Variants in NOL9 observed in about 807,000 individuals in gnomAD.
NOL9 encodes the protein nucleolar protein 9.
In NOL9, 28 loss-of-function variants were observed where a neutral mutation model predicts 67.9. That is an observed-to-expected ratio of 0.41 (90% CI 0.31 to 0.57). The LOEUF is 0.57. NOL9 is among the 20% of genes least tolerant of loss of function. The pLI, the probability that NOL9 is intolerant of heterozygous loss-of-function variation, is 0.25. For missense variants in NOL9, 777 were observed against 897.0 expected (o/e 0.87, Z 1.71); for synonymous variants, 356 against 352.2 (o/e 1.01, Z -0.12).
At chr1:6,538,394 C>G (rs531528451) in intron 6 of NOL9, among the ~76,000 whole-genome samples, 1 of 152,060 alleles carries the variant, frequency 6.6e-6, no homozygotes, top group African/African-American at 2.4e-5. Context: ...AGGCTGGGAC[C>G]GGATGCCGTG....
chr1:6,541,722 G>A (rs1217660261), intron 6 of NOL9, 108 bp downstream of exon 6: 10 of 525,232 alleles, frequency 1.9e-5, no homozygotes, highest in Admixed American at 3.9e-5. Context: ...TTTGGTAGGC[G>A]CATGTTCCCT....
chr1:6,550,430 T>A lies in NOL9; in HGVS notation c.582A>T (p.Glu194Asp). Residue 194 changes from glutamate (E) to aspartate (D), a missense_variant, in exon 2 of 12, where the codon GAA becomes GAT. By Grantham distance (45) the Glu-to-Asp change is conservative (BLOSUM62 2). Coordinates refer to ENST00000377705, the MANE Select transcript of NOL9 (RefSeq NM_024654.5). The stretch of plus-strand genomic sequence containing the variant: ...GATGAGATTTGAGCAAATTCCGGGC[T>A]TCCCTTTTCAGTTCCTTCTTGCTTT... ...PEKSKKELKR[E>D]ARNLLKSHLN... is the part of the protein sequence containing the mutation. 1 of 1,614,164 alleles carries A rather than the reference T, an allele frequency of 6.2e-7. No homozygotes were observed. Among genetic ancestry groups the A allele is most frequent in the Non-Finnish European group, 8.5e-7 (1 of 1,180,020 alleles).
In NOL9 at chr1:6,549,484, C is replaced by T. The variant is rs1338443819; in HGVS notation, c.744+87G>A. On this transcript the variant is annotated intron_variant, in intron 3 of 11. Transcript: ENST00000377705. ...GAGAGCACTAGATAGACCAACTGTT[C>T]TTCCAAGACAACATCCTACATAGTC... The T allele has an allele frequency of 2.0e-6, 3 of 1,482,000 alleles. No individual in the cohort carries two copies. The African/African-American group carries it at 4.3e-5, about 21-fold the overall frequency. 91.8% of individuals were successfully genotyped at this position (1,482,000 alleles called of 1,614,324 possible).
chr1:6,544,512 A>AACAC (rs568631480), intron 5 of NOL9, among the ~76,000 whole-genome samples: 2 of 104,948 alleles, frequency 1.9e-5, no homozygotes, highest in African/African-American at 5.8e-5. Flanking sequence ...CCTGTCTGAA[A>AACAC]ACACACACAC....
chr1:6,546,972 C>A (rs1227198236), intron 3 of NOL9, among the ~76,000 whole-genome samples: 2 of 152,188 alleles, frequency 1.3e-5, no homozygotes, highest in Admixed American at 1.3e-4. Flanking sequence ...CACCTGACCA[C>A]CAGCAGCTTT....
chr1:6,544,545 C>CACGCA (rs1553183969), intron 5 of NOL9, among the ~76,000 whole-genome samples: 1 of 23,498 alleles, frequency 4.3e-5, no homozygotes, highest in Non-Finnish European at 3.6e-4. Context: ...ACACACGCAC[C>CACGCA]CCCCCCCCGC....
chr1:6,523,600 A>C lies in NOL9; in HGVS notation c.*2254T>G, dbSNP rs1315877759. ...ATCTCAAAAAAAAAAAAAAAAAAAAAAAAGGATAAAAAGGCCACTGCCATC... is the reference window on the plus strand; with the variant it reads ...ATCTCAAAAAAAAAAAAAAAAAAAACAAAGGATAAAAAGGCCACTGCCATC... On this transcript the variant is annotated 3_prime_UTR_variant, in exon 12 of 12. Coordinates refer to ENST00000377705, the MANE Select transcript of NOL9 (RefSeq NM_024654.5). 6.6e-6 allele frequency: 1 copy of C among 151,458 alleles called. No homozygotes were observed. Among genetic ancestry groups the C allele is most frequent in the Non-Finnish European group, 1.5e-5 (1 of 68,010 alleles). The allele number at this position is 151,458 out of a possible 1,614,324, so 9.4% of individuals were successfully genotyped here. A position where few individuals can be genotyped will look rare whatever the true frequency, so the allele number is the denominator to read the frequency against.
chr1:6,554,473 C>T lies in NOL9; in HGVS notation c.30G>A (p.Arg10=). The change falls in exon 1 of 12, where the codon CGG becomes CGA. Residue 10 remains arginine, a synonymous_variant. Coordinates refer to ENST00000377705, the MANE Select transcript of NOL9 (RefSeq NM_024654.5). MADSGLLLK[R]GSCRSTWLRV... is the part of the protein sequence containing the mutation. The stretch of plus-strand genomic sequence containing the variant: ...GCAGCCAAGTGGAACGGCAGGAACC[C>T]CGCTTTAGCAGCAGTCCCGAGTCCG... 1 of 1,549,996 alleles carries T rather than the reference C, an allele frequency of 6.5e-7. No individual in the cohort carries two copies. The highest frequency in any genetic ancestry group is 8.6e-7 in the Non-Finnish European group (1 of 1,160,528).
At chr1:6,554,025 C>T (rs929707912) in intron 1 of NOL9, 82 bp downstream of exon 1, 1 of 1,194,962 alleles carries the variant, frequency 8.4e-7, no homozygotes, top group South Asian at 1.5e-5. Context: ...GACCACGGTC[C>T]TCTCCTACCC....
chr1:6,541,921 G>C lies in NOL9; in HGVS notation c.984C>G (p.Pro328=), dbSNP rs1639300750. 1 of 1,582,354 alleles carries C rather than the reference G, an allele frequency of 6.3e-7. No homozygotes were observed. The highest frequency in any genetic ancestry group is 8.6e-7 in the Non-Finnish European group (1 of 1,167,388). The change falls in exon 6 of 12, where the codon CCC becomes CCG. Residue 328 remains proline (P), a synonymous_variant. Transcript: ENST00000377705. ...GATCACATTCCAAATAGTCAACGCA[G>C]GGAAGACTGCAAATTTTTAAAAAAG... ...YLINHLLNSL[P]CVDYLECDLG... is the part of the protein sequence containing the mutation.
intron 6 of NOL9, among the ~76,000 whole-genome samples, chr1:6,536,946 G>A (rs557114803): frequency 1.3e-4 from 20 of 152,128 alleles, no homozygotes; most frequent in Non-Finnish European, 2.4e-4. Flanking sequence ...ATCCAAGGCT[G>A]CGGTGAGCTA....
At chr1:6,551,952 G>A (rs1019683179) in intron 1 of NOL9, among the ~76,000 whole-genome samples, 5 of 151,972 alleles carry the variant, frequency 3.3e-5, no homozygotes, top group Admixed American at 1.3e-4. Flanking sequence ...GGAGAATGGC[G>A]TGAACCCGGG....
At chr1:6,550,768 C>G (rs1639529131) in intron 1 of NOL9, among the ~76,000 whole-genome samples, 153 bp from the exon 2 acceptor site, 1 of 150,484 alleles carries the variant, frequency 6.6e-6, no homozygotes. Flanking sequence ...ACCGCAACCT[C>G]CACCTCCCAG....
rs181292787 is a variant in NOL9 at position 6,527,012 on chromosome 1, G to A, written c.1826-183C>T. Among the ~76,000 whole-genome samples the A allele has an allele frequency of 1.4e-4, 21 of 152,316 alleles. No homozygotes were observed. In the South Asian group the frequency reaches 2.3e-3, roughly 17 times the overall value. On this transcript the variant is annotated intron_variant, in intron 10 of 11. Coordinates refer to ENST00000377705, the MANE Select transcript of NOL9 (RefSeq NM_024654.5). ...TGTAATCCCAGCACTCTGGGAGGCC[G>A]AGGCGGGTGGACTACCTGAGATCAG...
At chr1:6,530,685 A>C (rs1225777555) in intron 9 of NOL9, among the ~76,000 whole-genome samples, 1 of 152,236 alleles carries the variant, frequency 6.6e-6, no homozygotes, top group Non-Finnish European at 1.5e-5. Flanking sequence ...CTGCCGCTTC[A>C]GCCTATGTGA....
At position 6,525,935 on chromosome 1, in the gene NOL9, C is replaced by G; in HGVS notation, c.2028G>C (p.Glu676Asp). ...DYNFKLPGAS[E>D]KIGAREPEEA... is the part of the protein sequence containing the mutation. ...CCTCAGGTTCTCTTGCTCCAATTTT[C>G]TCTGATGCTCCAGGAAGTTTAAAAT... The change falls in exon 12 of 12, where the codon GAG (glutamate) becomes GAC (aspartate). Residue 676 changes from glutamate (E) to aspartate (D), a missense_variant. Glu to Asp is a conservative substitution (Grantham distance 45). Coordinates refer to ENST00000377705, the MANE Select transcript of NOL9 (RefSeq NM_024654.5). 1.2e-6 allele frequency: 2 copies of G among 1,614,096 alleles called. No homozygotes were observed. Among genetic ancestry groups the G allele is most frequent in the Non-Finnish European group, 1.7e-6 (2 of 1,179,952 alleles).
chr1:6,545,551 C>G (rs1458341443), intron 3 of NOL9, among the ~76,000 whole-genome samples: 2 of 152,102 alleles, frequency 1.3e-5, no homozygotes, highest in African/African-American at 4.8e-5. Flanking sequence ...AACACACGGA[C>G]AGAACATATG....
chr1:6,527,304 C>T (rs1289632606), intron 10 of NOL9, among the ~76,000 whole-genome samples: 3 of 151,076 alleles, frequency 2.0e-5, no homozygotes, highest in Non-Finnish European at 4.4e-5. Flanking sequence ...TGGGGCAGTT[C>T]GTACCTTCCC....
At chr1:6,552,115 G>A (rs990937433) in intron 1 of NOL9, among the ~76,000 whole-genome samples, 9 of 152,178 alleles carry the variant, frequency 5.9e-5, no homozygotes, top group Non-Finnish European at 8.8e-5. Context: ...ATGGATACAT[G>A]GTGGGTAACA....
Sources: gnomAD v4.1 joint callset for allele counts (sites outside exome capture counted in the v4.1 genomes callset) on GRCh38, gnomAD v4.1.1 for gene constraint, MANE v1.5 for transcripts, NCBI Gene and HGNC (gene_info 2026-07-23, HGNC 2026-07-21) for gene names.